The following LYPD6B variants were observed in gnomAD, a reference collection of about 807,000 sequenced individuals.
LYPD6B encodes the protein ly6/PLAUR domain-containing protein 6B.
In LYPD6B, 17 loss-of-function variants were observed where a neutral mutation model predicts 22.8. The ratio of observed to expected loss-of-function variants is 0.75; its 90% confidence interval spans 0.51 to 1.12. The LOEUF (loss-of-function observed/expected upper bound fraction) is 1.12. Among genes scored for constraint, LYPD6B ranks in the 50% most tolerant of loss-of-function variants. The probability of loss-of-function intolerance (pLI) is 0.00; values close to 1 mark genes in which losing one functional copy is unlikely to be tolerated. For missense variants in LYPD6B, 221 were observed against 258.3 expected (o/e 0.86, Z 0.99); for synonymous variants, 106 against 91.6 (o/e 1.16, Z -0.90).
intron 6 of LYPD6B, among the ~76,000 whole-genome samples, chr2:149,214,082 C>T (rs184403455): frequency 6.6e-6 from 1 of 152,286 alleles, no homozygotes; most frequent in African/African-American, 2.4e-5. Context: ...AATTAGTAAA[C>T]CATTGTTGCT....
At chr2:149,062,285 C>T (rs139408989) in intron 1 of LYPD6B, among the ~76,000 whole-genome samples, 1 of 152,204 alleles carries the variant, frequency 6.6e-6, no homozygotes, top group South Asian at 2.1e-4. Flanking sequence ...CCGCGCCCGG[C>T]AGAATCTTTT....
chr2:149,185,029 A>G (rs1203795891), intron 3 of LYPD6B, among the ~76,000 whole-genome samples: 1 of 152,188 alleles, frequency 6.6e-6, no homozygotes, highest in Non-Finnish European at 1.5e-5. Context: ...GCTCCATGTC[A>G]GGCTCATTTC....
chr2:149,183,380 T>C (rs1020287880), intron 3 of LYPD6B, among the ~76,000 whole-genome samples: 3 of 152,232 alleles, frequency 2.0e-5, no homozygotes, highest in African/African-American at 7.2e-5. Context: ...CCATTTATTC[T>C]GATGACATCT....
At chr2:149,059,166 A>G (rs1003643199) in intron 1 of LYPD6B, among the ~76,000 whole-genome samples, 1 of 152,228 alleles carries the variant, frequency 6.6e-6, no homozygotes, top group East Asian at 1.9e-4. Context: ...CCTCCCCATG[A>G]GTCACTTGCT....
intron 2 of LYPD6B, among the ~76,000 whole-genome samples, chr2:149,142,511 G>A (rs1688755248): frequency 1.3e-5 from 2 of 152,160 alleles, no homozygotes; most frequent in South Asian, 4.1e-4. Context: ...GGGAATTGGA[G>A]AGTGCCAGCC....
At chr2:149,214,476 A>ATCTT in intron 6 of LYPD6B, 70 bp from the exon 7 acceptor site, 1 of 1,518,538 alleles carries the variant, frequency 6.6e-7, no homozygotes, top group Non-Finnish European at 9.1e-7. Flanking sequence ...CCTTTGTTTT[A>ATCTT]TCTTTCTTTC....
chr2:149,138,875 C>T (rs1444047210), intron 2 of LYPD6B, among the ~76,000 whole-genome samples: 1 of 152,212 alleles, frequency 6.6e-6, no homozygotes, highest in African/African-American at 2.4e-5. Context: ...TAAGAACACA[C>T]AGAAGCATAT....
intron 2 of LYPD6B, among the ~76,000 whole-genome samples, chr2:149,136,325 A>G (rs1423910660): frequency 6.6e-6 from 1 of 152,220 alleles, no homozygotes; most frequent in Non-Finnish European, 1.5e-5. Flanking sequence ...ATTATTTTCA[A>G]TATTTCATAA....
intron 1 of LYPD6B, among the ~76,000 whole-genome samples, chr2:149,065,654 T>C (rs1684286167): frequency 6.6e-6 from 1 of 152,184 alleles, no homozygotes; most frequent in Admixed American, 6.6e-5. Flanking sequence ...AAATGCAGAT[T>C]ATCAGGTTCT....
chr2:149,207,049 T>G (rs1219754394), intron 4 of LYPD6B, among the ~76,000 whole-genome samples: 4 of 152,202 alleles, frequency 2.6e-5, no homozygotes. Flanking sequence ...GAATTGGAAT[T>G]ACTAAATCAA....
chr2:149,215,015 A>C lies in LYPD6B; in HGVS notation c.*305A>C, dbSNP rs2106198062. 3.0e-6 allele frequency: 1 copy of C among 337,652 alleles called. No individual in the cohort carries two copies. The highest frequency in any genetic ancestry group is 5.1e-5 in the East Asian group (1 of 19,508). 20.9% of individuals were successfully genotyped at this position (337,652 alleles called of 1,614,324 possible). A position where few individuals can be genotyped will look rare whatever the true frequency, so the allele number is the denominator to read the frequency against. On this transcript the variant is annotated 3_prime_UTR_variant, in exon 7 of 7. Transcript: ENST00000409642. ...ACTAGTCCCACCTGACTAGGCCTTT[A>C]GCTGAAAGGATTTCTTGACCTCCTT...
chr2:149,188,754 C>G (rs1373874108), intron 3 of LYPD6B: 2 of 846,438 alleles, frequency 2.4e-6, no homozygotes, highest in African/African-American at 3.7e-5. Context: ...ATACTTACCT[C>G]TAAGATGTTT....
At chr2:149,135,415 T>C (rs1364917657) in intron 2 of LYPD6B, among the ~76,000 whole-genome samples, 2 of 151,994 alleles carry the variant, frequency 1.3e-5, no homozygotes, top group Non-Finnish European at 2.9e-5. Context: ...TGTGTATGTA[T>C]GAATAAAGAA....
At chr2:149,062,368 G>A (rs183717592) in intron 1 of LYPD6B, among the ~76,000 whole-genome samples, 41 of 152,330 alleles carry the variant, frequency 2.7e-4, no homozygotes, top group Admixed American at 2.6e-3. Context: ...AAGATGCTCA[G>A]TAAATTGTAG....
At chr2:149,099,378 T>C (rs1686079271) in intron 1 of LYPD6B, among the ~76,000 whole-genome samples, 1 of 151,746 alleles carries the variant, frequency 6.6e-6, no homozygotes, top group Non-Finnish European at 1.5e-5. Flanking sequence ...TGGGCAGTAG[T>C]TAAATGTGTC....
intron 3 of LYPD6B, among the ~76,000 whole-genome samples, chr2:149,202,183 C>G (rs1435098939): frequency 1.3e-5 from 2 of 152,146 alleles, no homozygotes; most frequent in Non-Finnish European, 1.5e-5. Flanking sequence ...GAATCTGGGA[C>G]CAATTACTTG....
intron 2 of LYPD6B, among the ~76,000 whole-genome samples, chr2:149,135,249 T>TAAAAAA (rs36032140): frequency 7.3e-6 from 1 of 136,804 alleles, no homozygotes; most frequent in Non-Finnish European, 1.6e-5. Flanking sequence ...TGTCTCAAAT[T>TAAAAAA]AAAAAAAAAA....
At chr2:149,207,281 A>G (rs1034711749) in intron 4 of LYPD6B, among the ~76,000 whole-genome samples, 2 of 152,112 alleles carry the variant, frequency 1.3e-5, no homozygotes, top group East Asian at 3.8e-4. Flanking sequence ...GCTACCATAC[A>G]TATCCTCCCC....
chr2:149,163,897 T>C (rs1345514057), intron 3 of LYPD6B, among the ~76,000 whole-genome samples: 1 of 152,188 alleles, frequency 6.6e-6, no homozygotes, highest in Non-Finnish European at 1.5e-5. Context: ...ATTATATGCA[T>C]GAGTGCATCA....
Sources: allele counts gnomAD v4.1 joint callset (sites outside exome capture counted in the v4.1 genomes callset), GRCh38; gene constraint gnomAD v4.1.1; transcripts MANE v1.5; gene names NCBI Gene and HGNC (gene_info 2026-07-23, HGNC 2026-07-21).